CPSF1: variants seen among roughly 807,000 people sequenced by gnomAD.
CPSF1 encodes cleavage and polyadenylation specific factor 1.
In CPSF1, 106 loss-of-function variants were observed where a neutral mutation model predicts 175.8. That is an observed-to-expected ratio of 0.60 (90% confidence interval 0.52 to 0.71). The LOEUF (loss-of-function observed/expected upper bound fraction) is 0.71, where lower values mean the gene tolerates loss of function less well. Ranked by LOEUF, CPSF1 falls within the 30% of genes least tolerant of loss-of-function variation. The pLI is 0.00. For missense variants in CPSF1, 1,734 were observed against 2,022.9 expected, an observed-to-expected ratio of 0.86 and a Z score of 2.74; for synonymous variants, 1,024 against 858.3, an observed-to-expected ratio of 1.19 and a Z score of -3.37.
Position 144,394,993 on chromosome 8 carries a change from G to A in CPSF1, c.3303C>T (p.Thr1101=), listed in dbSNP as rs1554863122. Reference sequence around the variant, plus strand: ...TGCGCAGAGACACTGTCTTCATGCAGGTCACATGCTCCCACTCCTGCAGCT... The same window carrying A: ...TGCGCAGAGACACTGTCTTCATGCAAGTCACATGCTCCCACTCCTGCAGCT... ...RIELQEWEHV[T]CMKTVSLRSE... is the part of the protein sequence containing the mutation. The change falls in exon 30 of 38, where the codon ACC becomes ACT. Residue 1101 remains threonine (T), a synonymous_variant. Transcript: ENST00000616140. 1.9e-6 allele frequency: 3 copies of A among 1,612,120 alleles called. No individual in the cohort carries two copies. Among genetic ancestry groups the A allele is most frequent in the Non-Finnish European group, 2.5e-6 (3 of 1,179,258 alleles).
At chr8:144,408,152 C>T (rs2116910385) in intron 2 of CPSF1, among the ~76,000 whole-genome samples, 3 of 152,270 alleles carry the variant, frequency 2.0e-5, no homozygotes, top group African/African-American at 7.2e-5. Flanking sequence ...TGTGGCTCCT[C>T]CCTGCTTTGT....
chr8:144,408,973 C>A, intron 2 of CPSF1, 42 bp downstream of exon 2: 2 of 1,602,678 alleles, frequency 1.2e-6, no homozygotes, highest in Non-Finnish European at 1.7e-6. Context: ...TGAGAGCACC[C>A]ACGTCGCGGA....
intron 18 of CPSF1, 30 bp from the exon 19 acceptor site, chr8:144,398,473 C>T (rs1820934901): frequency 1.2e-6 from 2 of 1,612,250 alleles, no homozygotes; most frequent in African/African-American, 1.3e-5. Flanking sequence ...GGGAGGCGCC[C>T]CCCGCAGGGG....
Position 144,400,665 on chromosome 8 carries a change from G to A in CPSF1, c.686+6C>T. On this transcript the variant is annotated splice_donor_region_variant and intron_variant, in intron 7 of 37. Transcript: ENST00000616140. ...CAGTGCAGAGGGGCCTCCTTAGGGG[G>A]CTCACCCAGGCCAGGTCTGGTTGGG... 1 of 1,603,362 alleles carries A rather than the reference G, an allele frequency of 6.2e-7. No individual in the cohort carries two copies. Among genetic ancestry groups the A allele is most frequent in the Non-Finnish European group, 8.5e-7 (1 of 1,175,070 alleles).
At position 144,399,094 on chromosome 8, in the gene CPSF1, C is replaced by G; in HGVS notation, c.1467+34G>C. 6.5e-7 allele frequency: 1 copy of G among 1,548,164 alleles called. No individual in the cohort carries two copies. Among genetic ancestry groups the G allele is most frequent in the Non-Finnish European group, 8.7e-7 (1 of 1,146,400 alleles). On this transcript the variant is annotated intron_variant, in intron 15 of 37. Coordinates refer to ENST00000616140, the MANE Select transcript of CPSF1 (RefSeq NM_013291.3). The surrounding 1 kb of genome is among the most constrained non-coding windows in gnomAD (Gnocchi z 6.4). ...CCCCCACCCCCCCTCACACTCCAGC[C>G]CCTGCCCCCAGCCCCGACCCCAACC...
At chr8:144,403,539 A>T (rs1554868048) in intron 2 of CPSF1, among the ~76,000 whole-genome samples, 6 of 151,558 alleles carry the variant, frequency 4.0e-5, no homozygotes, top group Non-Finnish European at 8.8e-5. Flanking sequence ...GAGTCACCAC[A>T]CCTGACTAAT....
intron 2 of CPSF1, among the ~76,000 whole-genome samples, chr8:144,408,025 A>G (rs1396911216): frequency 1.3e-5 from 2 of 152,184 alleles, no homozygotes; most frequent in African/African-American, 2.4e-5. Flanking sequence ...AGAGGACAGG[A>G]GCCCTGGCCA....
intron 2 of CPSF1, among the ~76,000 whole-genome samples, chr8:144,406,042 C>T (rs2116903825): frequency 2.6e-5 from 4 of 152,142 alleles, no homozygotes; most frequent in Non-Finnish European, 4.4e-5. Context: ...TAAAAGACCT[C>T]GTTTGCATAT....
Position 144,393,696 on chromosome 8 carries a change from G to A in CPSF1, c.4116C>T (p.His1372=). The A allele has an allele frequency of 6.4e-7, 1 of 1,564,744 alleles. No homozygotes were observed. Among genetic ancestry groups the A allele is most frequent in the Non-Finnish European group, 8.6e-7 (1 of 1,161,960 alleles). ...AGGCGCGGGGGTTGAGGCCGGCGTG[G>A]TGTGGCAGCATGGTGGTCAGCGCGT... ...LQNALTTMLP[H]HAGLNPRAFR... Residue 1372 remains histidine (H), a synonymous_variant, in exon 36 of 38, where the codon CAC becomes CAT. Transcript: ENST00000616140.
intron 2 of CPSF1, among the ~76,000 whole-genome samples, chr8:144,404,901 A>G (rs1554868585): frequency 6.6e-6 from 1 of 151,818 alleles, no homozygotes; most frequent in African/African-American, 2.4e-5. Context: ...CTAAAAATAC[A>G]AAAACATTAG....
chr8:144,396,727 G>A lies in CPSF1; in HGVS notation c.2697C>T (p.Ile899=), dbSNP rs782169353. 3.1e-6 allele frequency: 5 copies of A among 1,613,976 alleles called. No individual in the cohort carries two copies. Among genetic ancestry groups the A allele is most frequent in the Non-Finnish European group, 4.2e-6 (5 of 1,180,006 alleles). Residue 899 remains isoleucine, a synonymous_variant, in exon 25 of 38, where the codon ATC becomes ATT. Transcript: ENST00000616140. ...KVRFKKVPHN[I]NFREKKPKPS... ...GCTTTGGCTTCTTCTCACGGAAGTT[G>A]ATGTTGTGAGGGACCTGGGGGGGAA...
rs1239407983 is a variant in CPSF1, at chr8:144,399,465, C to T, written c.1281G>A (p.Thr427=). ...ACCGGCCCTCACCTGACCAGCCGGC[C>T]GTCGCATCCACTCGCTTCTTCTTTG... The part of the protein sequence containing the change: ...PPSKKKRVDA[T]AGWSAAGKSV... The change falls in exon 13 of 38, where the codon ACG becomes ACA. Residue 427 remains threonine, a synonymous_variant. Transcript: ENST00000616140. The surrounding 1 kb of genome is among the most constrained non-coding windows in gnomAD (Gnocchi z 6.4). The T allele has an allele frequency of 8.7e-6, 14 of 1,612,936 alleles. No individual in the cohort carries two copies. Among genetic ancestry groups the T allele is most frequent in the African/African-American group, 4.0e-5 (3 of 74,924 alleles).
rs1408497979 is a variant in CPSF1 at position 144,393,806 on chromosome 8, G to A, written c.4016-10C>T. 6 of 1,600,394 alleles carry A rather than the reference G, an allele frequency of 3.7e-6. No individual in the cohort carries two copies. The African/African-American group carries it at 6.7e-5, about 18-fold the overall frequency. ...CCGCCGTCCAGGGTGGCTGGCAGGGGTAGGGTGAGGGTTTTGGTGTGAGCC... is the reference window on the plus strand; with the variant it reads ...CCGCCGTCCAGGGTGGCTGGCAGGGATAGGGTGAGGGTTTTGGTGTGAGCC... On this transcript the variant is annotated splice_polypyrimidine_tract_variant and intron_variant, in intron 35 of 37. Coordinates refer to ENST00000616140, the MANE Select transcript of CPSF1 (RefSeq NM_013291.3).
chr8:144,400,135 G>GGGGGGCCCCCCCCCCCC, intron 9 of CPSF1, 31 bp downstream of exon 9: 6 of 895,970 alleles, frequency 6.7e-6, no homozygotes, highest in Non-Finnish European at 9.6e-6. Context: ...CCGTCCCCGG[G>GGGGGGCCCCCCCCCCCC]CCCCCCCCGC....
At position 144,399,811 on chromosome 8, in the gene CPSF1, G is replaced by A. The variant is rs1554865743; in HGVS notation, c.1089C>T (p.Asp363=). 6 of 1,561,014 alleles carry A rather than the reference G, an allele frequency of 3.8e-6. No individual in the cohort carries two copies. Among genetic ancestry groups the A allele is most frequent in the Admixed American group, 1.9e-5 (1 of 51,892 alleles). The change falls in exon 11 of 38, where the codon GAC becomes GAT. Residue 363 remains aspartate (D), a synonymous_variant. Transcript: ENST00000616140. The surrounding 1 kb of genome is among the most constrained non-coding windows in gnomAD (Gnocchi z 6.4). ...TGGTGAGGACGCTGGCGGCCGCCTT[G>A]TCAAAGTGGAACGCTCGGACACTGC... ...GMRSVRAFHF[D]KAAASVLTTS... is the part of the protein sequence containing the mutation.
intron 2 of CPSF1, among the ~76,000 whole-genome samples, chr8:144,401,910 C>G (rs1217092089): frequency 6.6e-6 from 1 of 152,186 alleles, no homozygotes; most frequent in African/African-American, 2.4e-5. Flanking sequence ...CCAGGAAGCC[C>G]CTACCTCACG....
Position 144,401,082 on chromosome 8 carries a change from G to T in CPSF1, c.388-7C>A. ...CATTCTGCACAAACCCGTCCTGGGG[G>T]CAGAGGGGGCATCAGCCAGGCCCAG... On this transcript the variant is annotated splice_region_variant and splice_polypyrimidine_tract_variant and intron_variant, in intron 5 of 37. Coordinates refer to ENST00000616140, the MANE Select transcript of CPSF1 (RefSeq NM_013291.3). 1 of 1,605,180 alleles carries T rather than the reference G, an allele frequency of 6.2e-7. No individual in the cohort carries two copies. The highest frequency in any genetic ancestry group is 8.5e-7 in the Non-Finnish European group (1 of 1,175,162).
intron 2 of CPSF1, 46 bp downstream of exon 2, chr8:144,408,967 AGC>A (rs1318482378): frequency 6.3e-7 from 1 of 1,598,310 alleles, no homozygotes; most frequent in Admixed American, 1.7e-5. Flanking sequence ...GGGCGGTGAG[AGC>A]ACCCACGTCG....
At chr8:144,400,135 G>GGGGGGGGCCCCCCCCCCCCC in intron 9 of CPSF1, 31 bp downstream of exon 9, 5 of 896,000 alleles carry the variant, frequency 5.6e-6, no homozygotes, top group Non-Finnish European at 8.0e-6. Flanking sequence ...CCGTCCCCGG[G>GGGGGGGGCCCCCCCCCCCCC]CCCCCCCCGC....
Sources: gnomAD v4.1 joint callset for allele counts (sites outside exome capture counted in the v4.1 genomes callset) on GRCh38, gnomAD v4.1.1 for gene constraint, Gnocchi (gnomAD v3.1) non-coding constraint, MANE v1.5 for transcripts, NCBI Gene and HGNC (gene_info 2026-07-23, HGNC 2026-07-21) for gene names.